Variants in TEX15 observed in about 807,000 individuals in gnomAD.
TEX15 encodes the protein testis expressed 15, meiosis and synapsis associated, also known as testis-expressed protein 15.
A neutral mutation model predicts 237.3 loss-of-function variants in TEX15; 171 were observed. That is an observed-to-expected ratio of 0.72 (90% CI 0.64 to 0.82). The LOEUF (loss-of-function observed/expected upper bound fraction) is 0.82, where lower values mean the gene tolerates loss of function less well. Among genes scored for constraint, TEX15 ranks in the 40% least tolerant of loss-of-function variants. The pLI is 0.00. For synonymous variants in TEX15, 1,338 were observed against 1,269.8 expected (o/e 1.05, Z -1.14); for missense variants, 3,750 against 3,646.5 (o/e 1.03, Z -0.73).
chr8:30,898,970 C>T (rs1808958448), intron 1 of TEX15, among the ~76,000 whole-genome samples, 153 bp from the exon 2 acceptor site: 1 of 152,078 alleles, frequency 6.6e-6, no homozygotes, highest in African/African-American at 2.4e-5. Flanking sequence ...GGGGAGGGAG[C>T]TGTCTGTTTT....
intron 3 of TEX15, among the ~76,000 whole-genome samples, chr8:30,876,830 T>C (rs1009401780): frequency 2.0e-5 from 3 of 152,150 alleles, no homozygotes; most frequent in Admixed American, 6.5e-5. Context: ...CATCATCTCA[T>C]GTGTCATGGG....
Position 30,839,973 on chromosome 8 carries a change from A to G in TEX15, c.8164-9T>C, listed in dbSNP as rs766952268. 2.6e-6 allele frequency: 4 copies of G among 1,557,482 alleles called. No individual in the cohort carries two copies. The African/African-American group carries it at 5.5e-5, about 21-fold the overall frequency. On this transcript the variant is annotated splice_polypyrimidine_tract_variant and intron_variant, in intron 8 of 10. Transcript: ENST00000643185. ...ACATCTTTCATGTCTACCTGTGTTTAAAAGATACAAAGAAAATCTTCATTA... is the reference window on the plus strand; with the variant it reads ...ACATCTTTCATGTCTACCTGTGTTTGAAAGATACAAAGAAAATCTTCATTA...
intron 3 of TEX15, 57 bp from the exon 4 acceptor site, chr8:30,875,159 T>TCCA: frequency 5.4e-6 from 6 of 1,107,950 alleles, no homozygotes; most frequent in Non-Finnish European, 5.7e-6. Flanking sequence ...TGGACATCTG[T>TCCA]ACAATGACAA....
At position 30,837,419 on chromosome 8, in the gene TEX15, C is replaced by G. The variant is rs1807331194; in HGVS notation, c.8865G>C (p.Gln2955His). ...KIPTLQINKLQPTETESEDKY... is the reference protein window; with the variant it reads ...KIPTLQINKLHPTETESEDKY... ...TGTCCTCTGACTCAGTTTCTGTAGGCTGTAGTTTGTTTATCTGCAGAGTAG... is the reference window on the plus strand; with the variant it reads ...TGTCCTCTGACTCAGTTTCTGTAGGGTGTAGTTTGTTTATCTGCAGAGTAG... The change falls in exon 10 of 11, where the codon CAG becomes CAC. Residue 2955 changes from glutamine to histidine, a missense_variant. Physicochemically the swap from Gln to His is conservative, Grantham distance 24. Transcript: ENST00000643185. 1 of 1,614,136 alleles carries G rather than the reference C, an allele frequency of 6.2e-7. No individual in the cohort carries two copies. The highest frequency in any genetic ancestry group is 2.2e-5 in the East Asian group (1 of 44,880).
intron 7 of TEX15, among the ~76,000 whole-genome samples, chr8:30,853,840 G>A (rs1440163699): frequency 6.6e-6 from 1 of 151,900 alleles, no homozygotes; most frequent in African/African-American, 2.4e-5. Context: ...GAATGAAATA[G>A]ATATCGGTTA....
Position 30,846,222 on chromosome 8 carries a change from A to G in TEX15, c.3945T>C (p.His1315=), listed in dbSNP as rs573326021. The G allele has an allele frequency of 6.2e-7, 1 of 1,613,396 alleles. No homozygotes were observed. Among genetic ancestry groups the G allele is most frequent in the African/African-American group, 1.3e-5 (1 of 74,986 alleles). The change falls in exon 8 of 11, where the codon CAT becomes CAC. Residue 1315 remains histidine (H), a synonymous_variant. Coordinates refer to ENST00000643185, the MANE Select transcript of TEX15 (RefSeq NM_001350162.2). ...AAATTTTATGTCGTCTTAAATCTTT[A>G]TGTGGTATGTTCTGATCCCTGGAAG... ...HISSRDQNIP[H]KDLRRHKIYG...
At chr8:30,886,598 G>C (rs1415089495) in intron 3 of TEX15, among the ~76,000 whole-genome samples, 1 of 152,182 alleles carries the variant, frequency 6.6e-6, no homozygotes, top group Non-Finnish European at 1.5e-5. Flanking sequence ...GGAAGGAAAG[G>C]GGTACCTTGT....
rs1388148893 is a variant in TEX15, at chr8:30,910,176, A to T, written c.-86+2703T>A. Among the ~76,000 whole-genome samples the T allele has an allele frequency of 3.9e-5, 6 of 152,154 alleles. 1 individual carries two copies. In the South Asian group the frequency reaches 1.2e-3, roughly 31 times the overall value. On this transcript the variant is annotated intron_variant, in intron 1 of 10. Transcript: ENST00000643185. ...AGTATATCATCCTTCGGTACAATAA[A>T]AAAAAAAAAACTTTAAAGTGCTCAA...
rs1264356134 is a variant in TEX15 at position 30,833,300 on chromosome 8, G to A, written c.9505C>T (p.His3169Tyr). ...GAAGACTATTTTCAGTGTCCTGGAT[G>A]AAAGGATTCTTGGTGCCATGGAGCT... is the stretch of plus-strand genomic sequence containing the variant. ...VYAPWHQESF[H>Y]PGH Residue 3169 changes from histidine (H) to tyrosine (Y), a missense_variant, in exon 11 of 11, where the codon CAT becomes TAT. Transcript: ENST00000643185. 1 of 1,594,820 alleles carries A rather than the reference G, an allele frequency of 6.3e-7. No individual in the cohort carries two copies. The highest frequency in any genetic ancestry group is 8.5e-7 in the Non-Finnish European group (1 of 1,170,890).
intron 6 of TEX15, 30 bp from the exon 7 acceptor site, chr8:30,858,860 T>G: frequency 2.7e-6 from 4 of 1,462,090 alleles, no homozygotes; most frequent in Non-Finnish European, 2.7e-6. Context: ...TCATGCTGAT[T>G]AATTTTGGCA....
rs1807536252 is a variant in TEX15 at position 30,844,275 on chromosome 8, G to C, written c.5892C>G (p.His1964Gln). The C allele has an allele frequency of 1.2e-6, 2 of 1,613,372 alleles. No individual in the cohort carries two copies. Among genetic ancestry groups the C allele is most frequent in the South Asian group, 1.1e-5 (1 of 90,986 alleles). The change falls in exon 8 of 11, where the codon CAC (histidine) becomes CAG (glutamine). Residue 1964 changes from histidine to glutamine, a missense_variant. Coordinates refer to ENST00000643185, the MANE Select transcript of TEX15 (RefSeq NM_001350162.2). ...GVNHTPILPA[H>Q]SETCKVPTLL... ...GAGTAGGGACTTTACAGGTTTCAGA[G>C]TGGGCAGGTAAAATAGGCGTATGAT...
intron 3 of TEX15, among the ~76,000 whole-genome samples, chr8:30,877,988 CCT>C (rs970631341): frequency 6.6e-5 from 10 of 152,042 alleles, no homozygotes; most frequent in African/African-American, 9.7e-5. Context: ...ATTCTCCTAC[CCT>C]GTCCCTAAAT....
At chr8:30,884,656 C>T (rs1808607290) in intron 3 of TEX15, among the ~76,000 whole-genome samples, 1 of 152,122 alleles carries the variant, frequency 6.6e-6, no homozygotes, top group South Asian at 2.1e-4. Flanking sequence ...CCTTTTAATG[C>T]CCATAGGATC....
intron 10 of TEX15, among the ~76,000 whole-genome samples, chr8:30,834,933 T>A (rs1186851906): frequency 6.6e-6 from 1 of 152,182 alleles, no homozygotes; most frequent in African/African-American, 2.4e-5. Flanking sequence ...CTCAGTTTTT[T>A]CTACATATCC....
At chr8:30,889,802 C>T (rs533164872) in intron 2 of TEX15, among the ~76,000 whole-genome samples, 25 of 151,240 alleles carry the variant, frequency 1.7e-4, no homozygotes, top group African/African-American at 6.1e-4. Context: ...GGATATTAGA[C>T]CTTTGATATA....
At position 30,837,957 on chromosome 8, in the gene TEX15, G is replaced by A. The variant is rs200485067; in HGVS notation, c.8327C>T (p.Ser2776Leu). 6.2e-7 allele frequency: 1 copy of A among 1,614,078 alleles called. No individual in the cohort carries two copies. Among genetic ancestry groups the A allele is most frequent in the Non-Finnish European group, 8.5e-7 (1 of 1,179,994 alleles). The change falls in exon 10 of 11, where the codon TCA becomes TTA. Residue 2776 changes from serine to leucine, a missense_variant. Ser to Leu is a moderately radical substitution (Grantham distance 145). Coordinates refer to ENST00000643185, the MANE Select transcript of TEX15 (RefSeq NM_001350162.2). ...LTPKKVEMQR[S>L]LPGSLLPLEN... ...TAAGGGTAAAAGTGAGCCAGGTAGT[G>A]ATCTTTGCATTTCAACCTTTTTTGG...
rs1304225386 is a variant in TEX15, at chr8:30,881,614, TTA to T, written c.136+5551_136+5552del. Among the ~76,000 whole-genome samples, 14 of 119,580 alleles carry T rather than the reference TTA, an allele frequency of 1.2e-4. 1 individual carries two copies. Among genetic ancestry groups the T allele is most frequent in the African/African-American group, 6.3e-4 (11 of 17,452 alleles). The allele number at this position is 119,580 out of a possible 152,430, so 78.4% of individuals were successfully genotyped here. A position where few individuals can be genotyped will look rare whatever the true frequency, so the allele number is the denominator to read the frequency against. On this transcript the variant is annotated intron_variant, in intron 3 of 10. Coordinates refer to ENST00000643185, the MANE Select transcript of TEX15 (RefSeq NM_001350162.2). ...TTAATTATCCTTCCATCTTGACTTT[TTA>T]TTTTTTTTTATTATTTTTTTTTTTT...
intron 1 of TEX15, among the ~76,000 whole-genome samples, chr8:30,905,057 T>C (rs765087086): frequency 2.6e-5 from 4 of 152,298 alleles, no homozygotes; most frequent in Admixed American, 2.0e-4. Flanking sequence ...GCAATTCATG[T>C]GCCTTCTTAC....
intron 5 of TEX15, 72 bp downstream of exon 5, chr8:30,867,193 G>T: frequency 1.8e-6 from 1 of 560,746 alleles, no homozygotes; most frequent in Non-Finnish European, 3.0e-6. Flanking sequence ...AATTTATATC[G>T]AAAGGATAAT....
Sources: allele counts gnomAD v4.1 joint callset (sites outside exome capture counted in the v4.1 genomes callset), GRCh38; gene constraint gnomAD v4.1.1; transcripts MANE v1.5; gene names NCBI Gene and HGNC (gene_info 2026-07-23, HGNC 2026-07-21).